Variants in OSBPL10 observed in about 807,000 individuals in gnomAD.
The protein encoded by OSBPL10 is oxysterol binding protein like 10, also known as oxysterol-binding protein-related protein 10.
A neutral mutation model predicts 81.7 loss-of-function variants in OSBPL10; 49 were observed. That is an observed-to-expected ratio of 0.60 (90% CI 0.48 to 0.76). The LOEUF (loss-of-function observed/expected upper bound fraction) is 0.76. Ranked by LOEUF, OSBPL10 falls within the 30% of genes least tolerant of loss-of-function variation. The probability of loss-of-function intolerance (pLI) is 0.00; values close to 1 mark genes in which losing one functional copy is unlikely to be tolerated. For missense variants in OSBPL10, 923 were observed against 987.8 expected (o/e 0.93, Z 0.88); for synonymous variants, 419 against 383.6 (o/e 1.09, Z -1.08).
chr3:31,803,973 T>C (rs1699461300), intron 4 of OSBPL10, among the ~76,000 whole-genome samples: 1 of 152,210 alleles, frequency 6.6e-6, no homozygotes, highest in Non-Finnish European at 1.5e-5. Flanking sequence ...ATAACTGTTT[T>C]CTCTTTGTAA....
chr3:31,678,497 G>C (rs1700546730), intron 8 of OSBPL10, among the ~76,000 whole-genome samples: 1 of 152,230 alleles, frequency 6.6e-6, no homozygotes, highest in African/African-American at 2.4e-5. Flanking sequence ...ATTTGGTAGA[G>C]AAGGAAGGAT....
At chr3:31,850,042 G>A (rs551928157) in intron 3 of OSBPL10, among the ~76,000 whole-genome samples, 5 of 152,288 alleles carry the variant, frequency 3.3e-5, no homozygotes, top group Admixed American at 2.0e-4. Flanking sequence ...GTGCATTCCT[G>A]TAATCCCAGC....
chr3:32,041,997 T>G (rs769730682), intron 2 of OSBPL10, among the ~76,000 whole-genome samples: 6 of 152,116 alleles, frequency 3.9e-5, no homozygotes, highest in Non-Finnish European at 8.8e-5. Flanking sequence ...CCATGCAGCT[T>G]CCACCTGGTT....
chr3:31,755,309 C>G (rs145970266), intron 4 of OSBPL10, among the ~76,000 whole-genome samples: 7 of 152,276 alleles, frequency 4.6e-5, no homozygotes, highest in Non-Finnish European at 8.8e-5. Flanking sequence ...AGTCTGCTTT[C>G]CTTTCAAAGA....
At chr3:31,711,572 T>C (rs1696253537) in intron 6 of OSBPL10, among the ~76,000 whole-genome samples, 1 of 152,066 alleles carries the variant, frequency 6.6e-6, no homozygotes, top group Non-Finnish European at 1.5e-5. Context: ...GAAACTTGAG[T>C]GTGCAAGGAC....
intron 6 of OSBPL10, chr3:31,703,517 AAC>A (rs561922127): frequency 6.6e-6 from 1 of 152,216 alleles, no homozygotes; most frequent in Non-Finnish European, 1.5e-5. Context: ...ACAATTTACT[AAC>A]CTCATTAGAC....
At chr3:31,857,616 T>G (rs1700944564) in intron 3 of OSBPL10, among the ~76,000 whole-genome samples, 1 of 150,844 alleles carries the variant, frequency 6.6e-6, no homozygotes, top group African/African-American at 2.4e-5. Context: ...AACTACATTT[T>G]TAATATACAA....
At chr3:32,077,314 T>A (rs1013318752) in intron 1 of OSBPL10, 1 of 152,170 alleles carries the variant, frequency 6.6e-6, no homozygotes, top group Admixed American at 6.5e-5. Flanking sequence ...GTGCTAATGT[T>A]ACAGGTAGTT....
chr3:31,945,159 A>G (rs2125432913), intron 1 of OSBPL10, among the ~76,000 whole-genome samples: 1 of 151,944 alleles, frequency 6.6e-6, no homozygotes, highest in South Asian at 2.1e-4. Context: ...CAAAAAAAAA[A>G]AAAAAAAAAA....
chr3:31,667,047 C>T (rs1403377359), intron 10 of OSBPL10, among the ~76,000 whole-genome samples: 4 of 152,322 alleles, frequency 2.6e-5, no homozygotes, highest in South Asian at 2.1e-4. Context: ...CATAGGCTAA[C>T]AAGCAACAAA....
chr3:31,697,921 C>T (rs1025981423), intron 7 of OSBPL10, among the ~76,000 whole-genome samples: 3 of 152,026 alleles, frequency 2.0e-5, no homozygotes, highest in Non-Finnish European at 4.4e-5. Context: ...CACCACCACG[C>T]CCAGCTAATT....
intron 1 of OSBPL10, among the ~76,000 whole-genome samples, chr3:31,894,318 G>C (rs1695994049): frequency 1.3e-5 from 2 of 152,180 alleles, no homozygotes; most frequent in African/African-American, 4.8e-5. Flanking sequence ...GGGGAGGCAG[G>C]AAGGAACGGG....
intron 4 of OSBPL10, among the ~76,000 whole-genome samples, chr3:31,792,704 T>C (rs963648438): frequency 6.7e-5 from 10 of 149,320 alleles, no homozygotes; most frequent in Non-Finnish European, 1.5e-4. Context: ...TGTGCAGGGG[T>C]GTGTGTGTTT....
At chr3:31,761,690 A>T (rs944252614) in intron 4 of OSBPL10, among the ~76,000 whole-genome samples, 1 of 150,854 alleles carries the variant, frequency 6.6e-6, no homozygotes, top group Non-Finnish European at 1.5e-5. Flanking sequence ...GGTGGCACAC[A>T]ATTGACACCA....
intron 1 of OSBPL10, among the ~76,000 whole-genome samples, chr3:31,893,939 A>T (rs1695980672): frequency 6.6e-6 from 1 of 152,194 alleles, no homozygotes; most frequent in Admixed American, 6.5e-5. Flanking sequence ...AATTGTGGTG[A>T]TAGTTACAAA....
rs1559476575 is a variant in OSBPL10 at position 31,812,822 on chromosome 3, AAGAAAGAAAGAAAGAAAGAAAGAAC to A, written c.729+17193_729+17217del. On this transcript the variant is annotated intron_variant, in intron 4 of 11. Transcript: ENST00000396556. ...AGAAAGAAAGAAAGAAAGAAAGAGA[AAGAAAGAAAGAAAGAAAGAAAGAAC>A]GAACTTCTCCAATAACATGTGAGAA... 4.1e-4 allele frequency among the ~76,000 whole-genome samples: 49 copies of A among 119,812 alleles called. 4 individuals carry two copies. The highest frequency in any genetic ancestry group is 2.4e-3 in the East Asian group (9 of 3,708). The allele number at this position is 119,812 out of a possible 152,430, so 78.6% of individuals were successfully genotyped here. A position where few individuals can be genotyped will look rare whatever the true frequency, so the allele number is the denominator to read the frequency against.
chr3:31,748,634 G>C (rs1474912293), intron 4 of OSBPL10, among the ~76,000 whole-genome samples: 1 of 100,016 alleles, frequency 1.0e-5, no homozygotes, highest in African/African-American at 3.7e-5. Flanking sequence ...AGCCCCCTTC[G>C]CTCGCTTGCA....
upstream of OSBPL10, among the ~76,000 whole-genome samples, chr3:31,985,157 T>A (rs1266319072): frequency 6.6e-6 from 1 of 152,172 alleles, no homozygotes; most frequent in African/African-American, 2.4e-5. Context: ...GAAAATCGCT[T>A]GAACCCAGAA....
intron 1 of OSBPL10, among the ~76,000 whole-genome samples, chr3:31,923,774 G>A (rs138316156): frequency 2.4e-4 from 36 of 152,046 alleles, no homozygotes; most frequent in African/African-American, 8.2e-4. Flanking sequence ...ATGACAGAGC[G>A]AGATCCTGTC....
Sources: gnomAD v4.1 joint callset for allele counts (sites outside exome capture counted in the v4.1 genomes callset) on GRCh38, gnomAD v4.1.1 for gene constraint, MANE v1.5 for transcripts, NCBI Gene and HGNC (gene_info 2026-07-23, HGNC 2026-07-21) for gene names.